The following NAP1L4 variants were observed in gnomAD, a reference collection of about 807,000 sequenced individuals.
NAP1L4 encodes the protein nucleosome assembly protein 1 like 4.
A neutral mutation model predicts 58.2 loss-of-function variants in NAP1L4; 15 were observed. The observed-to-expected ratio is 0.26, with a 90% CI of 0.17 to 0.40. The LOEUF (loss-of-function observed/expected upper bound fraction) is 0.40. NAP1L4 is among the 10% of genes least tolerant of loss of function. The probability of loss-of-function intolerance (pLI) is 1.00; values close to 1 mark genes in which losing one functional copy is unlikely to be tolerated. For synonymous variants in NAP1L4, 171 were observed against 155.6 expected, an observed-to-expected ratio of 1.10 and a Z score of -0.74; for missense variants, 384 against 451.1, an observed-to-expected ratio of 0.85 and a Z score of 1.35.
Position 2,971,609 on chromosome 11 carries a change from A to G in NAP1L4, c.316-75T>C, listed in dbSNP as rs2086244557. On this transcript the variant is annotated intron_variant, in intron 5 of 15. Coordinates refer to ENST00000380542, the MANE Select transcript of NAP1L4 (RefSeq NM_005969.4). This position sits in a 1 kb window ranked among gnomAD's most constrained non-coding sequence, Gnocchi z 4.2. ...AACTCAAGAGTTAAATTTATAAATAATGTCTACTAAAAGACTTTGAAAACT... is the reference window on the plus strand; with the variant it reads ...AACTCAAGAGTTAAATTTATAAATAGTGTCTACTAAAAGACTTTGAAAACT... 4.2e-6 allele frequency: 5 copies of G among 1,178,768 alleles called. No individual in the cohort carries two copies. The South Asian group carries it at 5.4e-5, about 13-fold the overall frequency. The allele number at this position is 1,178,768 out of a possible 1,614,324, so 73.0% of individuals were successfully genotyped here. A position where few individuals can be genotyped will look rare whatever the true frequency, so the allele number is the denominator to read the frequency against.
chr11:2,963,460 G>A (rs1380917537), intron 8 of NAP1L4, among the ~76,000 whole-genome samples: 3 of 152,178 alleles, frequency 2.0e-5, no homozygotes, highest in Non-Finnish European at 4.4e-5. Flanking sequence ...CCCAGCTGGT[G>A]AGCAGGCATC....
intron 7 of NAP1L4, among the ~76,000 whole-genome samples, chr11:2,966,774 A>C (rs1847307614): frequency 6.6e-6 from 1 of 152,196 alleles, no homozygotes; most frequent in African/African-American, 2.4e-5. Flanking sequence ...TGCTTTCCAG[A>C]GATGGCACTG....
intron 1 of NAP1L4, among the ~76,000 whole-genome samples, chr11:2,984,410 A>G (rs1394330171): frequency 2.0e-5 from 3 of 152,090 alleles, no homozygotes; most frequent in African/African-American, 7.2e-5. Flanking sequence ...CGTCTCTACT[A>G]AGAATACAAA....
chr11:2,954,733 C>G lies in NAP1L4; in HGVS notation c.916-87G>C, dbSNP rs918919571. ...CCCTCAGCCAAACCTCAGCCCCTCA[C>G]TTTTGATTTACTTAACTTAAAACAC... On this transcript the variant is annotated intron_variant, in intron 11 of 15. Coordinates refer to ENST00000380542, the MANE Select transcript of NAP1L4 (RefSeq NM_005969.4). This position sits in a 1 kb window ranked among gnomAD's most constrained non-coding sequence, Gnocchi z 4.8. 23 of 1,566,874 alleles carry G rather than the reference C, an allele frequency of 1.5e-5. No individual in the cohort carries two copies. Among genetic ancestry groups the G allele is most frequent in the Non-Finnish European group, 1.8e-5 (21 of 1,141,752 alleles).
In NAP1L4 at chr11:2,967,608, T is replaced by TAAA. The variant is rs36005224; in HGVS notation, c.534+2192_534+2194dup. Among the ~76,000 whole-genome samples, 11 of 118,380 alleles carry TAAA rather than the reference T, an allele frequency of 9.3e-5. 1 individual carries two copies. Among genetic ancestry groups the TAAA allele is most frequent in the African/African-American group, 3.2e-4 (10 of 31,200 alleles). 77.7% of individuals were successfully genotyped at this position (118,380 alleles called of 152,430 possible). ...CCTGGGCGACAGAGCGAGACTCCGT[T>TAAA]AAAAAAAAAAAAAAAAGAAAATATT... is the stretch of plus-strand genomic sequence containing the variant. On this transcript the variant is annotated intron_variant, in intron 7 of 15. Coordinates refer to ENST00000380542, the MANE Select transcript of NAP1L4 (RefSeq NM_005969.4).
intron 7 of NAP1L4, among the ~76,000 whole-genome samples, chr11:2,969,214 C>T (rs530378497): frequency 2.0e-4 from 31 of 152,014 alleles, no homozygotes; most frequent in Non-Finnish European, 4.0e-4. Context: ...TGGTCTCAAA[C>T]GATCTGCCTA....
chr11:2,979,351 G>A, intron 1 of NAP1L4, 114 bp from the exon 2 acceptor site: 1 of 788,452 alleles, frequency 1.3e-6, no homozygotes, highest in South Asian at 1.8e-5. Flanking sequence ...GGACAGGAGG[G>A]AACTTTCTAG....
chr11:2,976,141 C>G lies in NAP1L4; in HGVS notation c.74-18G>C. 2 of 1,592,190 alleles carry G rather than the reference C, an allele frequency of 1.3e-6. No homozygotes were observed. Among genetic ancestry groups the G allele is most frequent in the Admixed American group, 1.7e-5 (1 of 57,564 alleles). ...GAGCTTTTCTATGAAGAGTTAAGAC[C>G]AAACATATTTAAAATATGCCCACCA... is the stretch of plus-strand genomic sequence containing the variant. On this transcript the variant is annotated intron_variant, in intron 3 of 15. Coordinates refer to ENST00000380542, the MANE Select transcript of NAP1L4 (RefSeq NM_005969.4).
At position 2,945,525 on chromosome 11, in the gene NAP1L4, G is replaced by A; in HGVS notation, c.*154C>T. On this transcript the variant is annotated 3_prime_UTR_variant, in exon 16 of 16. Coordinates refer to ENST00000380542, the MANE Select transcript of NAP1L4 (RefSeq NM_005969.4). ...TAGATGGAGTAAGCTCTGTCCACGG[G>A]ATTGTGCTGCGGCAAGGACCGAGGC... The A allele has an allele frequency of 8.2e-7, 1 of 1,215,604 alleles. No individual in the cohort carries two copies. The highest frequency in any genetic ancestry group is 1.2e-6 in the Non-Finnish European group (1 of 865,642). 75.3% of individuals were successfully genotyped at this position (1,215,604 alleles called of 1,614,324 possible).
chr11:2,961,132 G>A (rs532744955), intron 8 of NAP1L4, among the ~76,000 whole-genome samples: 4 of 151,704 alleles, frequency 2.6e-5, no homozygotes, highest in African/African-American at 9.7e-5. Context: ...CAACGGGGGG[G>A]AAATTAAGAG....
chr11:2,960,033 A>G, intron 8 of NAP1L4, 124 bp from the exon 9 acceptor site: 1 of 988,398 alleles, frequency 1.0e-6, no homozygotes, highest in South Asian at 1.7e-5. Flanking sequence ...GGCCATGAAC[A>G]AGAAAAACTT....
chr11:2,971,420 C>T lies in NAP1L4; in HGVS notation c.402+28G>A, dbSNP rs1393059419. On this transcript the variant is annotated intron_variant, in intron 6 of 15. Coordinates refer to ENST00000380542, the MANE Select transcript of NAP1L4 (RefSeq NM_005969.4). This position sits in a 1 kb window ranked among gnomAD's most constrained non-coding sequence, Gnocchi z 4.2. Reference sequence around the variant, plus strand: ...TATTTTTAACAGTATTAAAACAGAACATGAGTCACATGTTTCTAAAGACTT... The same window carrying T: ...TATTTTTAACAGTATTAAAACAGAATATGAGTCACATGTTTCTAAAGACTT... 3.1e-6 allele frequency: 5 copies of T among 1,593,214 alleles called. No individual in the cohort carries two copies. The highest frequency in any genetic ancestry group is 1.1e-5 in the South Asian group (1 of 90,472).
At chr11:2,974,009 C>A (rs906175337) in intron 4 of NAP1L4, among the ~76,000 whole-genome samples, 5 of 152,232 alleles carry the variant, frequency 3.3e-5, no homozygotes, top group Non-Finnish European at 7.3e-5. Flanking sequence ...CTCAAGCAAT[C>A]TGCCTGCCTC....
At chr11:2,984,872 A>C (rs1452645933) in intron 1 of NAP1L4, among the ~76,000 whole-genome samples, 1 of 152,252 alleles carries the variant, frequency 6.6e-6, no homozygotes, top group Non-Finnish European at 1.5e-5. Context: ...TATGAAACCA[A>C]CAAATCAAGT....
rs1330895785 is a variant in NAP1L4 at position 2,946,413 on chromosome 11, G to C, written c.*33-767C>G. Among the ~76,000 whole-genome samples the C allele has an allele frequency of 6.6e-6, 1 of 152,204 alleles. No individual in the cohort carries two copies. Among genetic ancestry groups the C allele is most frequent in the Non-Finnish European group, 1.5e-5 (1 of 68,038 alleles). On this transcript the variant is annotated intron_variant, in intron 15 of 15. Transcript: ENST00000380542. This position sits in a 1 kb window ranked among gnomAD's most constrained non-coding sequence, Gnocchi z 4.8. Reference sequence around the variant, plus strand: ...TTTAAACCACATCCAGCAACTCCATGAATTTGTGTGGAGGCCAACAATAGC... The same window carrying C: ...TTTAAACCACATCCAGCAACTCCATCAATTTGTGTGGAGGCCAACAATAGC...
At position 2,971,649 on chromosome 11, in the gene NAP1L4, C is replaced by A; in HGVS notation, c.316-115G>T. 1 of 813,434 alleles carries A rather than the reference C, an allele frequency of 1.2e-6. No homozygotes were observed. The highest frequency in any genetic ancestry group is 2.0e-5 in the South Asian group (1 of 50,486). 50.4% of individuals were successfully genotyped at this position (813,434 alleles called of 1,614,324 possible). Reference sequence around the variant, plus strand: ...CTTTGAAAACTGGATATTTTTATAACTTATTTTAAGATTCTAAATTTTAGG... The same window carrying A: ...CTTTGAAAACTGGATATTTTTATAAATTATTTTAAGATTCTAAATTTTAGG... On this transcript the variant is annotated intron_variant, in intron 5 of 15. Transcript: ENST00000380542. The surrounding 1 kb of genome is among the most constrained non-coding windows in gnomAD (Gnocchi z 4.2).
At chr11:2,956,539 G>A (rs759367470) in intron 10 of NAP1L4, among the ~76,000 whole-genome samples, 6 of 152,114 alleles carry the variant, frequency 3.9e-5, no homozygotes, top group Admixed American at 2.0e-4. Context: ...CCCATTAAGC[G>A]ACCACAACCC....
At chr11:2,961,676 T>C (rs914001713) in intron 8 of NAP1L4, among the ~76,000 whole-genome samples, 2 of 152,056 alleles carry the variant, frequency 1.3e-5, no homozygotes, top group African/African-American at 4.8e-5. Context: ...CTTCACCATG[T>C]CCTACTCATT....
rs2133966188 is a variant in NAP1L4, at chr11:2,969,827, C to T, written c.510G>A (p.Val170=). The T allele has an allele frequency of 6.2e-7, 1 of 1,613,366 alleles. No individual in the cohort carries two copies. Among genetic ancestry groups the T allele is most frequent in the Non-Finnish European group, 8.5e-7 (1 of 1,179,620 alleles). Residue 170 remains valine, a synonymous_variant, in exon 7 of 16, where the codon GTG becomes GTA. Transcript: ENST00000380542. ...PEFWFTIFRN[V]DMLSELVQEY... The stretch of plus-strand genomic sequence containing the variant: ...CCTGGACTAATTCACTCAGCATGTC[C>T]ACATTTCTGAAGATGGTAAACCAGA...
Sources: gnomAD v4.1 joint callset for allele counts (sites outside exome capture counted in the v4.1 genomes callset) on GRCh38, gnomAD v4.1.1 for gene constraint, Gnocchi (gnomAD v3.1) non-coding constraint, MANE v1.5 for transcripts, NCBI Gene and HGNC (gene_info 2026-07-23, HGNC 2026-07-21) for gene names.